CROCC: variants seen among roughly 807,000 people sequenced by gnomAD.
CROCC encodes ciliary rootlet coiled-coil, rootletin.
In CROCC, 180 loss-of-function variants were observed where a neutral mutation model predicts 245.2. The observed-to-expected ratio is 0.73, with a 90% confidence interval of 0.65 to 0.83. The LOEUF is 0.83. Ranked by LOEUF, CROCC falls within the 40% of genes least tolerant of loss-of-function variation. The pLI, the probability that CROCC is intolerant of heterozygous loss-of-function variation, is 0.00. For missense variants in CROCC, 2,688 were observed against 2,779.4 expected (o/e 0.97, Z 0.74); for synonymous variants, 1,205 against 1,241.6 (o/e 0.97, Z 0.62).
At position 16,958,688 on chromosome 1, in the gene CROCC, AC is replaced by A; in HGVS notation, c.3973del (p.Leu1325TrpfsTer8). The A allele has an allele frequency of 6.4e-7, 1 of 1,557,994 alleles. No individual in the cohort carries two copies. Among genetic ancestry groups the A allele is most frequent in the Non-Finnish European group, 8.7e-7 (1 of 1,151,706 alleles). On this transcript the variant is annotated frameshift_variant, in exon 26 of 37. Coordinates refer to ENST00000375541, the MANE Select transcript of CROCC (RefSeq NM_014675.5). LOFTEE classifies it high-confidence loss of function. The stretch of plus-strand genomic sequence containing the variant: ...GGCAGAGAAGGAGAGCAGGCGGGAG[AC>A]CCTGGGCCTCCGGCAGAGGCTGCTG... Reference protein sequence around the residue: ...ERAEKESRRETLGLRQRLLKG... With the variant: ...ERAEKESRREXLGLRQRLLKG...
Position 16,962,918 on chromosome 1 carries a change from A to G in CROCC, c.4405+1788A>G, listed in dbSNP as rs895094213. On this transcript the variant is annotated intron_variant, in intron 27 of 36. Coordinates refer to ENST00000375541, the MANE Select transcript of CROCC (RefSeq NM_014675.5). ...TGAAAATGGCCAGACACGTTGGCTC[A>G]TGTTTGTAATCCCAGCACTCTGCGA... Among the ~76,000 whole-genome samples, 7 of 150,566 alleles carry G rather than the reference A, an allele frequency of 4.6e-5. No individual in the cohort carries two copies. In the South Asian group the frequency reaches 6.6e-4, roughly 14 times the overall value.
intron 8 of CROCC, 48 bp downstream of exon 8, chr1:16,931,445 C>G (rs570748248): frequency 1.3e-5 from 20 of 1,504,766 alleles, no homozygotes; most frequent in Non-Finnish European, 1.6e-5. Context: ...CAGCCCTGCT[C>G]TTTATGTCCA....
intron 27 of CROCC, among the ~76,000 whole-genome samples, 160 bp downstream of exon 27, chr1:16,961,290 C>T (rs1488291460): frequency 2.0e-5 from 3 of 152,078 alleles, no homozygotes; most frequent in Non-Finnish European, 4.4e-5. Flanking sequence ...GTCCCCTCAC[C>T]GAGACCCCTC....
At chr1:16,941,859 G>A (rs2075941646) in intron 13 of CROCC, among the ~76,000 whole-genome samples, 1 of 152,354 alleles carries the variant, frequency 6.6e-6, no homozygotes. Context: ...GCACTATTTT[G>A]GACTGTATTT....
At chr1:16,925,272 T>C (rs1444872116) in intron 3 of CROCC, among the ~76,000 whole-genome samples, 1 of 152,264 alleles carries the variant, frequency 6.6e-6, no homozygotes, top group African/African-American at 2.4e-5. Context: ...TACTGTTTAT[T>C]GAGTGCCTAC....
At chr1:16,915,782 G>A (rs559510279) in intron 1 of CROCC, among the ~76,000 whole-genome samples, 3 of 152,384 alleles carry the variant, frequency 2.0e-5, no homozygotes, top group East Asian at 1.9e-4. Context: ...GCCGACAAGC[G>A]GGAGTCAGCT....
chr1:16,921,335 G>T (rs1229722143), upstream of CROCC, among the ~76,000 whole-genome samples: 4 of 152,286 alleles, frequency 2.6e-5, no homozygotes, highest in African/African-American at 9.6e-5. Context: ...TAGGGCATTT[G>T]TAGTTCGAGG....
chr1:16,920,332 A>G (rs2075377815), upstream of CROCC, among the ~76,000 whole-genome samples: 1 of 152,182 alleles, frequency 6.6e-6, no homozygotes, highest in Non-Finnish European at 1.5e-5. Context: ...CTGCCTCAGC[A>G]TCCCAAAGTG....
intron 36 of CROCC, among the ~76,000 whole-genome samples, chr1:16,971,940 TGTC>T (rs2076528891): frequency 1.3e-5 from 2 of 152,160 alleles, no homozygotes; most frequent in South Asian, 4.1e-4. Flanking sequence ...CCCAGCAATC[TGTC>T]ATCTCAGAAG....
chr1:16,926,262 G>A (rs904515995), intron 3 of CROCC, among the ~76,000 whole-genome samples: 1 of 152,272 alleles, frequency 6.6e-6, no homozygotes, highest in African/African-American at 2.4e-5. Flanking sequence ...CTGGAGGGTG[G>A]GTCCCCAGAG....
upstream of CROCC, among the ~76,000 whole-genome samples, chr1:16,917,207 A>G (rs1233024423): frequency 5.9e-5 from 9 of 152,306 alleles, no homozygotes; most frequent in African/African-American, 2.2e-4. Context: ...GGCTGGGTGC[A>G]TTGGAGCCAA....
At chr1:16,923,824 G>A (rs1456975258) in intron 2 of CROCC, among the ~76,000 whole-genome samples, 2 of 152,204 alleles carry the variant, frequency 1.3e-5, no homozygotes, top group East Asian at 3.9e-4. Context: ...GGGACTACAG[G>A]CATACACCAC....
intron 19 of CROCC, among the ~76,000 whole-genome samples, chr1:16,950,145 C>A (rs1331803493): frequency 6.6e-6 from 1 of 151,590 alleles, no homozygotes; most frequent in African/African-American, 2.4e-5. Context: ...CTCACTGCAA[C>A]TTCTGCCTCC....
chr1:16,966,067 C>T lies in CROCC; in HGVS notation c.4644C>T (p.Ser1548=), dbSNP rs777334422. The change falls in exon 29 of 37, where the codon AGC becomes AGT. Residue 1548 remains serine, a synonymous_variant. Transcript: ENST00000375541. This position sits in a 1 kb window ranked among gnomAD's most constrained non-coding sequence, Gnocchi z 4.8. ...QLAEMEAERD[S]ATSRARQLQK... ...CCGAGATGGAGGCTGAGAGGGACAG[C>T]GCAACCTCGAGGGCCAGGCAGCTGC... is the stretch of plus-strand genomic sequence containing the variant. 2.0e-5 allele frequency: 32 copies of T among 1,613,702 alleles called. No individual in the cohort carries two copies. The highest frequency in any genetic ancestry group is 4.4e-5 in the South Asian group (4 of 91,068).
intron 12 of CROCC, among the ~76,000 whole-genome samples, 162 bp downstream of exon 12, chr1:16,939,304 G>T (rs1188256098): frequency 2.0e-5 from 3 of 152,274 alleles, no homozygotes; most frequent in African/African-American, 4.8e-5. Flanking sequence ...TAGTTTCTGA[G>T]GGTGTCAGGA....
upstream of CROCC, among the ~76,000 whole-genome samples, chr1:16,917,338 G>C (rs1390047085): frequency 5.9e-5 from 9 of 152,272 alleles, no homozygotes; most frequent in Non-Finnish European, 1.3e-4. Flanking sequence ...GCTCGTGGTT[G>C]GTTCAATATT....
At chr1:16,943,735 G>T (rs1359297033) in intron 13 of CROCC, among the ~76,000 whole-genome samples, 2 of 152,274 alleles carry the variant, frequency 1.3e-5, no homozygotes, top group Non-Finnish European at 2.9e-5. Context: ...TCCCAGAATT[G>T]AGGGGCATGG....
At chr1:16,920,059 AT>A (rs1156809769), upstream of CROCC, among the ~76,000 whole-genome samples, 7 of 149,246 alleles carry the variant, frequency 4.7e-5, no homozygotes, top group South Asian at 2.2e-4. Context: ...GCCCCAGCTA[AT>A]TTTTTTTATA....
chr1:16,934,500 G>C (rs1430923305), intron 8 of CROCC, among the ~76,000 whole-genome samples: 4 of 152,196 alleles, frequency 2.6e-5, no homozygotes, highest in Non-Finnish European at 5.9e-5. Flanking sequence ...ACAGGGTCTT[G>C]CCATGTTGCC....
Sources: gnomAD v4.1 joint callset for allele counts (sites outside exome capture counted in the v4.1 genomes callset) on GRCh38, gnomAD v4.1.1 for gene constraint, Gnocchi (gnomAD v3.1) non-coding constraint, MANE v1.5 for transcripts, NCBI Gene and HGNC (gene_info 2026-07-23, HGNC 2026-07-21) for gene names.